POC1B: variants seen among roughly 807,000 people sequenced by gnomAD.
POC1B encodes the protein POC1 centriolar protein B, also known as POC1 centriolar protein homolog B.
Under a neutral mutation model 60.6 loss-of-function variants are expected in POC1B, and 44 were observed. That is an observed-to-expected ratio of 0.73 (90% CI 0.57 to 0.93). The LOEUF is 0.93. POC1B is among the 40% of genes least tolerant of loss of function. The pLI, the probability that POC1B is intolerant of heterozygous loss-of-function variation, is 0.00. For missense variants in POC1B, 555 were observed against 572.3 expected, an observed-to-expected ratio of 0.97 and a Z score of 0.31; for synonymous variants, 180 against 198.9, an observed-to-expected ratio of 0.90 and a Z score of 0.80.
chr12:89,435,951 G>GTTTT lies in POC1B; in HGVS notation c.1114-10576_1114-10573dup, dbSNP rs1196561616. Among the ~76,000 whole-genome samples the GTTTT allele has an allele frequency of 2.4e-3, 345 of 142,238 alleles. 3 individuals are homozygous for GTTTT. Among genetic ancestry groups the GTTTT allele is most frequent in the African/African-American group, 8.4e-3 (326 of 38,816 alleles). 93.3% of individuals were successfully genotyped at this position (142,238 alleles called of 152,430 possible). A position where few individuals can be genotyped will look rare whatever the true frequency, so the allele number is the denominator to read the frequency against. ...CAGGAAGTTTTTTTCTTGTTTGTTT[G>GTTTT]TTTTTTTTTTTTGAGACAGAATCTC... On this transcript the variant is annotated intron_variant, in intron 10 of 11. Transcript: ENST00000313546.
chr12:89,419,906 C>T lies in POC1B; in HGVS notation c.*1247G>A, dbSNP rs1331166505. 6.6e-6 allele frequency: 1 copy of T among 152,084 alleles called. No homozygotes were observed. Among genetic ancestry groups the T allele is most frequent in the African/African-American group, 2.4e-5 (1 of 41,420 alleles). 9.4% of individuals were successfully genotyped at this position (152,084 alleles called of 1,614,324 possible). On this transcript the variant is annotated 3_prime_UTR_variant, in exon 12 of 12. Transcript: ENST00000313546. ...GATATTAAAAGGCACTTATAACACA[C>T]AATAAGATACTTAGAAACCCATCTC... is the stretch of plus-strand genomic sequence containing the variant.
At position 89,502,023 on chromosome 12, in the gene POC1B, A is replaced by G. The variant is rs534160306; in HGVS notation, c.101-4681T>C. On this transcript the variant is annotated intron_variant, in intron 2 of 11. Transcript: ENST00000313546. ...ATTGTTCTAGATCTACAGGAAGCTCAAAGAATGAAGATAATATTATGACTG... is the reference window on the plus strand; with the variant it reads ...ATTGTTCTAGATCTACAGGAAGCTCGAAGAATGAAGATAATATTATGACTG... 89 of 991,556 alleles carry G rather than the reference A, an allele frequency of 9.0e-5. No homozygotes were observed. In the African/African-American group the frequency reaches 1.3e-3, roughly 15 times the overall value. The allele number at this position is 991,556 out of a possible 1,614,324, so 61.4% of individuals were successfully genotyped here.
At chr12:89,523,704 T>TA (rs1364776765) in intron 2 of POC1B, 1 of 1,545,086 alleles carries the variant, frequency 6.5e-7, no homozygotes, top group African/African-American at 1.4e-5. Context: ...ACTGAAATGT[T>TA]AAACGCCAGT....
intron 2 of POC1B, among the ~76,000 whole-genome samples, chr12:89,516,583 C>T (rs1870451905): frequency 6.6e-6 from 1 of 152,146 alleles, no homozygotes; most frequent in South Asian, 2.1e-4. Flanking sequence ...ACTAATCCCT[C>T]CAACAATTTC....
In POC1B at chr12:89,445,742, C is replaced by A. The variant is rs1389176257; in HGVS notation, c.1113+13896G>T. ...ACACCAAAAGCAATGGCAACAAAAG[C>A]CAAAATTGACAAATGGGATCTAATT... On this transcript the variant is annotated intron_variant, in intron 10 of 11. Transcript: ENST00000313546. Among the ~76,000 whole-genome samples, 3 of 152,056 alleles carry A rather than the reference C, an allele frequency of 2.0e-5. No homozygotes were observed. The East Asian group carries it at 5.8e-4, about 29-fold the overall frequency.
chr12:89,524,268 T>C, intron 2 of POC1B: 1 of 1,614,068 alleles, frequency 6.2e-7, no homozygotes, highest in Non-Finnish European at 8.5e-7. Context: ...CAATGAGTTC[T>C]TCTTGCTGCT....
chr12:89,445,675 A>G (rs1881751482), intron 10 of POC1B, among the ~76,000 whole-genome samples: 1 of 152,222 alleles, frequency 6.6e-6, no homozygotes, highest in South Asian at 2.1e-4. Flanking sequence ...CCTAGGCAAT[A>G]CCATTCAGGA....
At chr12:89,518,086 CT>C (rs79963225) in intron 2 of POC1B, among the ~76,000 whole-genome samples, 796 of 141,942 alleles carry the variant, frequency 5.6e-3, no homozygotes, top group Non-Finnish European at 5.1e-3. Flanking sequence ...TCTAATTTTC[CT>C]TTTTTTTTTT....
chr12:89,419,865 A>G lies in POC1B; in HGVS notation c.*1288T>C, dbSNP rs1466974590. 2.6e-5 allele frequency: 4 copies of G among 152,218 alleles called. No homozygotes were observed. 9.4% of individuals were successfully genotyped at this position (152,218 alleles called of 1,614,324 possible). ...TTGTAAGCTCTTGAAAATGTCCAGAAGCTCACACTTAGTATGATATTAAAA... is the reference window on the plus strand; with the variant it reads ...TTGTAAGCTCTTGAAAATGTCCAGAGGCTCACACTTAGTATGATATTAAAA... On this transcript the variant is annotated 3_prime_UTR_variant, in exon 12 of 12. Coordinates refer to ENST00000313546, the MANE Select transcript of POC1B (RefSeq NM_172240.3).
rs184090690 is a variant in POC1B, at chr12:89,518,085, C to T, written c.100+7035G>A. 4.0e-5 allele frequency among the ~76,000 whole-genome samples: 6 copies of T among 151,498 alleles called. No homozygotes were observed. In the East Asian group the frequency reaches 9.7e-4, roughly 24 times the overall value. On this transcript the variant is annotated intron_variant, in intron 2 of 11. Coordinates refer to ENST00000313546, the MANE Select transcript of POC1B (RefSeq NM_172240.3). ...AAGTTAGAAGGACTGCTCTAATTTT[C>T]CTTTTTTTTTTTTTTTAAACATGAC... is the stretch of plus-strand genomic sequence containing the variant.
At chr12:89,450,431 C>T (rs1171267001) in intron 10 of POC1B, among the ~76,000 whole-genome samples, 1 of 152,204 alleles carries the variant, frequency 6.6e-6, no homozygotes, top group East Asian at 1.9e-4. Context: ...TGGTCTCAAA[C>T]TCCTGATCTT....
At chr12:89,491,133 C>A (rs558985824) in intron 4 of POC1B, among the ~76,000 whole-genome samples, 1 of 152,168 alleles carries the variant, frequency 6.6e-6, no homozygotes, top group African/African-American at 2.4e-5. Context: ...CCCCACCCAC[C>A]CTCACCTGTG....
chr12:89,502,466 A>G, intron 2 of POC1B: 2 of 1,188,432 alleles, frequency 1.7e-6, no homozygotes, highest in South Asian at 1.3e-5. Flanking sequence ...GCAAGAGAAA[A>G]TATTGGAAAA....
intron 10 of POC1B, among the ~76,000 whole-genome samples, chr12:89,452,101 AG>A (rs1468841656): frequency 2.0e-5 from 3 of 152,118 alleles, no homozygotes; most frequent in African/African-American, 7.2e-5. Flanking sequence ...TTCCACAGGA[AG>A]AGGAAGGAAC....
At position 89,421,056 on chromosome 12, in the gene POC1B, T is replaced by G; in HGVS notation, c.*97A>C. On this transcript the variant is annotated 3_prime_UTR_variant, in exon 12 of 12. Transcript: ENST00000313546. The stretch of plus-strand genomic sequence containing the variant: ...AAATGCCATGATAAATAGCACATGG[T>G]TGTGTTGTATGGAGTATCTTGTACT... 1.1e-6 allele frequency: 1 copy of G among 869,602 alleles called. No homozygotes were observed. Among genetic ancestry groups the G allele is most frequent in the Non-Finnish European group, 1.7e-6 (1 of 576,522 alleles). The allele number at this position is 869,602 out of a possible 1,614,324, so 53.9% of individuals were successfully genotyped here. A position where few individuals can be genotyped will look rare whatever the true frequency, so the allele number is the denominator to read the frequency against.
chr12:89,491,768 G>C (rs897370492), intron 4 of POC1B, among the ~76,000 whole-genome samples, 168 bp downstream of exon 4: 60 of 152,014 alleles, frequency 3.9e-4, no homozygotes, highest in African/African-American at 1.5e-3. Context: ...TAAGAACAAG[G>C]ATTTTCACTA....
chr12:89,405,757 C>T, the POC1B span, among the ~76,000 whole-genome samples: 1 of 151,582 alleles, frequency 6.6e-6, no homozygotes, highest in Non-Finnish European at 1.5e-5. Context: ...GAGTTTGAGA[C>T]CAGCATGGGC....
At chr12:89,432,216 T>C (rs1376817066) in intron 10 of POC1B, among the ~76,000 whole-genome samples, 4 of 151,398 alleles carry the variant, frequency 2.6e-5, no homozygotes, top group Non-Finnish European at 5.9e-5. Flanking sequence ...AAACCCTGTC[T>C]CTACTAAAAT....
intron 4 of POC1B, among the ~76,000 whole-genome samples, chr12:89,491,660 A>T (rs950018932): frequency 6.6e-6 from 1 of 151,160 alleles, no homozygotes; most frequent in Non-Finnish European, 1.5e-5. Context: ...AAGAAAAAAA[A>T]ATTACGCGCC....
Sources: allele counts gnomAD v4.1 joint callset (sites outside exome capture counted in the v4.1 genomes callset), GRCh38; gene constraint gnomAD v4.1.1; transcripts MANE v1.5; gene names NCBI Gene and HGNC (gene_info 2026-07-23, HGNC 2026-07-21).